Variants in NEDD9 observed in about 807,000 individuals in gnomAD.
The protein encoded by NEDD9 is enhancer of filamentation 1.
A neutral mutation model predicts 76.6 loss-of-function variants in NEDD9; 26 were observed. That is an observed-to-expected ratio of 0.34 (90% CI 0.25 to 0.47). The LOEUF (loss-of-function observed/expected upper bound fraction) is 0.47. NEDD9 is among the 20% of genes least tolerant of loss of function. NEDD9 has a pLI of 1.00. For missense variants in NEDD9, 937 were observed against 1,058.5 expected (o/e 0.89, Z 1.59); for synonymous variants, 392 against 414.2 (o/e 0.95, Z 0.65).
chr6:11,336,253 G>A (rs1021791043), intron 1 of NEDD9, among the ~76,000 whole-genome samples: 5 of 152,290 alleles, frequency 3.3e-5, no homozygotes, highest in East Asian at 1.9e-4. Flanking sequence ...GCCACTTGAC[G>A]ATGGGGACGT....
Position 11,213,240 on chromosome 6 carries a change from A to C in NEDD9, c.459+41T>G. On this transcript the variant is annotated intron_variant, in intron 2 of 6. Coordinates refer to ENST00000379446, the MANE Select transcript of NEDD9 (RefSeq NM_006403.4). The surrounding 1 kb of genome is among the most constrained non-coding windows in gnomAD (Gnocchi z 5.4). ...AATGCTCCAAGTGTAATGGGAAAAA[A>C]AAATAAGTAGGAACAAAAATTTAGT... 3 of 1,532,164 alleles carry C rather than the reference A, an allele frequency of 2.0e-6. No homozygotes were observed. The highest frequency in any genetic ancestry group is 2.6e-6 in the Non-Finnish European group (3 of 1,138,096). The allele number at this position is 1,532,164 out of a possible 1,614,324, so 94.9% of individuals were successfully genotyped here.
Position 11,287,201 on chromosome 6 carries a change from C to T in NEDD9, c.12+18791G>A, listed in dbSNP as rs957072064. Among the ~76,000 whole-genome samples the T allele has an allele frequency of 5.9e-5, 9 of 152,150 alleles. 1 individual carries two copies. The highest frequency in any genetic ancestry group is 2.1e-4 in the South Asian group (1 of 4,828). On this transcript the variant is annotated intron_variant, in intron 3 of 3. Coordinates refer to the NEDD9 transcript ENST00000397378. ...CAGCACTTTGGGAGGCCCAGGCAGG[C>T]GGATCCACTTGATATCAGGAGTTCG... is the stretch of plus-strand genomic sequence containing the variant.
Position 11,241,090 on chromosome 6 carries a change from G to A in NEDD9, c.13-27363C>T, listed in dbSNP as rs943206008. ...CTGCTGATAGAAACTTCACACTGTGGATTTTTACAAAGGTTGAAGTGATCT... is the reference window on the plus strand; with the variant it reads ...CTGCTGATAGAAACTTCACACTGTGAATTTTTACAAAGGTTGAAGTGATCT... On this transcript the variant is annotated intron_variant, in intron 3 of 3. Coordinates refer to the NEDD9 transcript ENST00000397378. The surrounding 1 kb of genome is among the most constrained non-coding windows in gnomAD (Gnocchi z 4.0). Among the ~76,000 whole-genome samples, 1 of 152,180 alleles carries A rather than the reference G, an allele frequency of 6.6e-6. No individual in the cohort carries two copies. The highest frequency in any genetic ancestry group is 6.5e-5 in the Admixed American group (1 of 15,280).
At chr6:11,345,372 G>C (rs1248167230) in intron 1 of NEDD9, among the ~76,000 whole-genome samples, 1 of 152,192 alleles carries the variant, frequency 6.6e-6, no homozygotes, top group South Asian at 2.1e-4. Flanking sequence ...GGGAGTGTCA[G>C]GGTTTTGAGT....
intron 3 of NEDD9, among the ~76,000 whole-genome samples, chr6:11,248,419 T>G (rs1410761946): frequency 1.3e-5 from 2 of 152,238 alleles, no homozygotes; most frequent in African/African-American, 4.8e-5. Flanking sequence ...CCCACCTGGC[T>G]TCAAACCTCA....
intron 1 of NEDD9, chr6:11,352,872 T>C (rs758757310): frequency 6.6e-6 from 1 of 152,238 alleles, no homozygotes; most frequent in African/African-American, 2.4e-5. Context: ...AGAGCCTCAG[T>C]TTCTCCATGT....
intron 2 of NEDD9, among the ~76,000 whole-genome samples, chr6:11,313,233 T>C (rs768023592): frequency 7.9e-5 from 12 of 151,656 alleles, no homozygotes; most frequent in Admixed American, 2.6e-4. Context: ...GATGGATGGA[T>C]AAATGAATAG....
intron 2 of NEDD9, among the ~76,000 whole-genome samples, chr6:11,329,047 G>A (rs1243089516): frequency 6.6e-6 from 1 of 152,230 alleles, no homozygotes; most frequent in Non-Finnish European, 1.5e-5. Context: ...ATTCCATGGT[G>A]AGGCACAAGC....
chr6:11,260,087 C>A (rs1453492667), intron 3 of NEDD9, among the ~76,000 whole-genome samples: 2 of 152,024 alleles, frequency 1.3e-5, no homozygotes, highest in African/African-American at 2.4e-5. Context: ...ATACAAATAA[C>A]CCAAAAAACG....
At chr6:11,355,822 A>G (rs569699856) in intron 1 of NEDD9, among the ~76,000 whole-genome samples, 1,904 of 151,986 alleles carry the variant, frequency 0.013, 38 homozygotes, top group African/African-American at 0.043. Context: ...CTGTGTTCAC[A>G]CCATTCTCCT....
chr6:11,245,943 GT>G (rs35131387), intron 3 of NEDD9, among the ~76,000 whole-genome samples: 142 of 148,844 alleles, frequency 9.5e-4, no homozygotes, highest in African/African-American at 2.5e-3. Context: ...ACATGGTTTA[GT>G]TTTTTTTTTT....
At chr6:11,354,711 C>T (rs762311248) in intron 1 of NEDD9, among the ~76,000 whole-genome samples, 1 of 152,152 alleles carries the variant, frequency 6.6e-6, no homozygotes, top group African/African-American at 2.4e-5. Context: ...TTCTTAGACC[C>T]TGGTGCCAGG....
chr6:11,193,738 C>A (rs1236524696), intron 2 of NEDD9, 46 bp from the exon 3 acceptor site: 2 of 1,299,134 alleles, frequency 1.5e-6, no homozygotes, highest in Non-Finnish European at 1.1e-6. Flanking sequence ...AGCCTGAGTC[C>A]TTGAATCTCC....
At chr6:11,292,990 G>T (rs1760809807) in intron 3 of NEDD9, among the ~76,000 whole-genome samples, 1 of 152,180 alleles carries the variant, frequency 6.6e-6, no homozygotes, top group Non-Finnish European at 1.5e-5. Context: ...CATTAAGAAT[G>T]GGGTGGGGTC....
intron 1 of NEDD9, among the ~76,000 whole-genome samples, chr6:11,228,877 G>A (rs1192198018): frequency 6.6e-6 from 1 of 152,090 alleles, no homozygotes; most frequent in African/African-American, 2.4e-5. Flanking sequence ...TCTCATACAA[G>A]GTTTAAAAAG....
chr6:11,248,988 C>T, intron 3 of NEDD9: 1 of 405,006 alleles, frequency 2.5e-6, no homozygotes, highest in South Asian at 1.8e-5. Context: ...AGTCCACAGT[C>T]ATGCCAGCTA....
At chr6:11,319,572 ATATG>A (rs1761706203) in intron 2 of NEDD9, among the ~76,000 whole-genome samples, 1 of 147,990 alleles carries the variant, frequency 6.8e-6, no homozygotes. Flanking sequence ...ACACACACTA[ATATG>A]CACTCACACT....
chr6:11,204,807 A>G (rs10947021), intron 2 of NEDD9, among the ~76,000 whole-genome samples: 30,720 of 151,616 alleles, frequency 0.2, 3,425 homozygotes, highest in African/African-American at 0.26. Context: ...ACATAGCAAC[A>G]TTCTCAGTGG....
At chr6:11,346,260 G>A (rs866073566) in intron 1 of NEDD9, among the ~76,000 whole-genome samples, 1 of 152,130 alleles carries the variant, frequency 6.6e-6, no homozygotes, top group Non-Finnish European at 1.5e-5. Flanking sequence ...TACCTTTTAT[G>A]TTCCATGGAA....
Sources: allele counts gnomAD v4.1 joint callset (sites outside exome capture counted in the v4.1 genomes callset), GRCh38; gene constraint gnomAD v4.1.1; non-coding constraint Gnocchi (gnomAD v3.1); transcripts MANE v1.5; gene names NCBI Gene and HGNC (gene_info 2026-07-23, HGNC 2026-07-21).